The following FIP1L1 variants were observed in gnomAD, a reference collection of about 807,000 sequenced individuals.
FIP1L1 encodes factor interacting with PAPOLA and CPSF1, also known as pre-mRNA 3'-end-processing factor FIP1.
FIP1L1 carries 21 observed loss-of-function variants against 84.6 expected under a neutral mutation model. That is an observed-to-expected ratio of 0.25 (90% CI 0.18 to 0.36). The LOEUF is 0.36. Among genes scored for constraint, FIP1L1 ranks in the 10% least tolerant of loss-of-function variants. The pLI is 1.00. For synonymous variants in FIP1L1, 263 were observed against 242.3 expected (o/e 1.09, Z -0.80); for missense variants, 526 against 751.1 (o/e 0.70, Z 3.50).
chr4:53,389,918 ATATCT>A (rs1743244062), intron 6 of FIP1L1, 45 bp downstream of exon 6: 7 of 1,421,500 alleles, frequency 4.9e-6, no homozygotes, highest in Admixed American at 2.1e-5. Flanking sequence ...AATAAGGCAC[ATATCT>A]TAAATAGGTC....
At chr4:53,447,023 A>C (rs1774485867) in intron 15 of FIP1L1, among the ~76,000 whole-genome samples, 1 of 152,110 alleles carries the variant, frequency 6.6e-6, no homozygotes, top group South Asian at 2.1e-4. Flanking sequence ...GTAAGAAGTA[A>C]ATAGAAGAAA....
At chr4:53,378,225 G>C (rs993064973) in intron 1 of FIP1L1, 1 of 316,210 alleles carries the variant, frequency 3.2e-6, no homozygotes, top group Non-Finnish European at 5.8e-6. Flanking sequence ...TCGCCTAGCT[G>C]CTGCGCTCTT....
intron 10 of FIP1L1, among the ~76,000 whole-genome samples, chr4:53,407,511 A>C (rs1190788667): frequency 1.3e-5 from 2 of 151,892 alleles, no homozygotes; most frequent in Non-Finnish European, 2.9e-5. Flanking sequence ...AGAGTTCTGT[A>C]GATGTCTATT....
intron 15 of FIP1L1, among the ~76,000 whole-genome samples, chr4:53,446,706 T>C (rs950126982): frequency 6.6e-6 from 1 of 152,220 alleles, no homozygotes; most frequent in African/African-American, 2.4e-5. Flanking sequence ...TATTTTGTTA[T>C]TCAGTTCCAT....
intron 9 of FIP1L1, among the ~76,000 whole-genome samples, chr4:53,394,821 T>C (rs1305246016): frequency 6.6e-6 from 1 of 152,052 alleles, no homozygotes; most frequent in South Asian, 2.1e-4. Context: ...TAATTTAAAA[T>C]AGCTACATAG....
intron 15 of FIP1L1, among the ~76,000 whole-genome samples, chr4:53,446,245 A>G (rs1304139097): frequency 6.6e-6 from 1 of 151,664 alleles, no homozygotes; most frequent in African/African-American, 2.4e-5. Context: ...CTTGGGTTGT[A>G]ATCTTGATTC....
intron 9 of FIP1L1, among the ~76,000 whole-genome samples, chr4:53,397,799 T>C (rs974471862): frequency 6.6e-6 from 1 of 152,236 alleles, no homozygotes; most frequent in Non-Finnish European, 1.5e-5. Flanking sequence ...GGTTCTTTTT[T>C]TCCTTGAGCA....
At chr4:53,438,186 A>G (rs1197242638) in intron 13 of FIP1L1, among the ~76,000 whole-genome samples, 2 of 152,188 alleles carry the variant, frequency 1.3e-5, no homozygotes, top group African/African-American at 2.4e-5. Context: ...CAGATAAAGG[A>G]TATAGAAAAG....
At chr4:53,452,306 T>C (rs181624872) in intron 15 of FIP1L1, among the ~76,000 whole-genome samples, 99 of 152,228 alleles carry the variant, frequency 6.5e-4, no homozygotes, top group African/African-American at 2.3e-3. Context: ...AGGTTGAAAT[T>C]TTTTTCTCAA....
At chr4:53,443,105 T>G (rs1010951752) in intron 14 of FIP1L1, among the ~76,000 whole-genome samples, 4 of 152,126 alleles carry the variant, frequency 2.6e-5, no homozygotes, top group Non-Finnish European at 5.9e-5. Context: ...AAAAGCTGTC[T>G]TATTCCTTGA....
At chr4:53,453,162 A>G (rs1560587575) in intron 16 of FIP1L1, 29 bp downstream of exon 16, 5 of 1,606,550 alleles carry the variant, frequency 3.1e-6, no homozygotes, top group East Asian at 2.2e-5. Context: ...AGTTTATACT[A>G]TGTATTTTAT....
intron 10 of FIP1L1, among the ~76,000 whole-genome samples, chr4:53,404,071 A>G (rs1751768834): frequency 6.6e-6 from 1 of 151,134 alleles, no homozygotes; most frequent in Admixed American, 6.6e-5. Context: ...CAGTTTAGTT[A>G]CATATGTATA....
At chr4:53,398,572 T>C (rs917065085) in intron 9 of FIP1L1, among the ~76,000 whole-genome samples, 1 of 152,212 alleles carries the variant, frequency 6.6e-6, no homozygotes, top group African/African-American at 2.4e-5. Context: ...AGAGTGATGC[T>C]GAATTTAAAT....
chr4:53,388,761 A>G (rs1010274967), intron 5 of FIP1L1, among the ~76,000 whole-genome samples: 11 of 152,224 alleles, frequency 7.2e-5, no homozygotes, highest in Middle Eastern at 3.2e-3. Context: ...ACTCATATAT[A>G]AGAATCCATT....
intron 13 of FIP1L1, among the ~76,000 whole-genome samples, chr4:53,428,477 C>G (rs1397345913): frequency 2.0e-5 from 3 of 152,066 alleles, no homozygotes; most frequent in African/African-American, 7.2e-5. Flanking sequence ...AATCCATACT[C>G]AGTTACAAAC....
rs1169104773 is a variant in FIP1L1 at position 53,436,646 on chromosome 4, G to A, written c.1175-6007G>A. On this transcript the variant is annotated intron_variant, in intron 13 of 17. Coordinates refer to ENST00000337488, the MANE Select transcript of FIP1L1 (RefSeq NM_030917.4). ...TGAGAGCCATGTCAGAAGCTATTTTGCCTTAGTTATATAAAATTATGATAG... is the reference window on the plus strand; with the variant it reads ...TGAGAGCCATGTCAGAAGCTATTTTACCTTAGTTATATAAAATTATGATAG... Among the ~76,000 whole-genome samples the A allele has an allele frequency of 4.6e-5, 7 of 152,110 alleles. No homozygotes were observed. In the East Asian group the frequency reaches 1.3e-3, roughly 29 times the overall value.
chr4:53,420,838 A>G (rs1039267730), intron 11 of FIP1L1, among the ~76,000 whole-genome samples: 1 of 152,156 alleles, frequency 6.6e-6, no homozygotes, highest in African/African-American at 2.4e-5. Context: ...TGATATTCTT[A>G]TGTTGATGGA....
intron 15 of FIP1L1, among the ~76,000 whole-genome samples, chr4:53,446,677 A>G (rs77814637): frequency 0.023 from 3,576 of 152,230 alleles, 61 homozygotes; most frequent in Non-Finnish European, 0.035. Flanking sequence ...TTACTATTTT[A>G]ATGAGACTTT....
Position 53,377,801 on chromosome 4 carries a change from C to T in FIP1L1, c.-38C>T. 4.0e-6 allele frequency: 6 copies of T among 1,515,328 alleles called. No individual in the cohort carries two copies. The highest frequency in any genetic ancestry group is 5.3e-6 in the Non-Finnish European group (6 of 1,125,996). 93.9% of individuals were successfully genotyped at this position (1,515,328 alleles called of 1,614,324 possible). A position where few individuals can be genotyped will look rare whatever the true frequency, so the allele number is the denominator to read the frequency against. On this transcript the variant is annotated 5_prime_UTR_variant, in exon 1 of 18. Coordinates refer to ENST00000337488, the MANE Select transcript of FIP1L1 (RefSeq NM_030917.4). Reference sequence around the variant, plus strand: ...AGGCTGGGGAAGGGGTTGGAGGGGGCTGTTGATCGCCGCGTTTAAGTTGCG... The same window carrying T: ...AGGCTGGGGAAGGGGTTGGAGGGGGTTGTTGATCGCCGCGTTTAAGTTGCG...
Sources: allele counts gnomAD v4.1 joint callset (sites outside exome capture counted in the v4.1 genomes callset), GRCh38; gene constraint gnomAD v4.1.1; transcripts MANE v1.5; gene names NCBI Gene and HGNC (gene_info 2026-07-23, HGNC 2026-07-21).